The following PARD3 variants were observed in gnomAD, a reference collection of about 807,000 sequenced individuals.
PARD3 encodes partitioning defective 3 homolog.
In PARD3, 75 loss-of-function variants were observed where a neutral mutation model predicts 155.4. The ratio of observed to expected loss-of-function variants is 0.48; its 90% CI spans 0.40 to 0.58. PARD3 has a LOEUF of 0.58. Ranked by LOEUF, PARD3 falls within the 20% of genes least tolerant of loss-of-function variation. PARD3 has a pLI of 0.00. For synonymous variants in PARD3, 576 were observed against 610.5 expected (o/e 0.94, Z 0.83); for missense variants, 1,642 against 1,721.7 (o/e 0.95, Z 0.82).
intron 3 of PARD3, among the ~76,000 whole-genome samples, chr10:34,509,611 T>C (rs1378769663): frequency 3.3e-5 from 5 of 152,176 alleles, no homozygotes; most frequent in Admixed American, 3.3e-4. Flanking sequence ...ATGGAAAAAG[T>C]ACAATACTGA....
chr10:34,363,998 T>C (rs185383986), intron 12 of PARD3, among the ~76,000 whole-genome samples: 2 of 152,208 alleles, frequency 1.3e-5, no homozygotes, highest in Non-Finnish European at 2.9e-5. Context: ...TACATTTCTA[T>C]CTGCAGTGAG....
At chr10:34,405,257 C>T (rs905799175) in intron 5 of PARD3, among the ~76,000 whole-genome samples, 2 of 152,068 alleles carry the variant, frequency 1.3e-5, no homozygotes, top group Non-Finnish European at 2.9e-5. Context: ...AAATAGATAA[C>T]ACATAATACA....
intron 22 of PARD3, among the ~76,000 whole-genome samples, chr10:34,154,564 T>G (rs1349265504): frequency 2.6e-5 from 4 of 152,320 alleles, no homozygotes; most frequent in African/African-American, 9.6e-5. Context: ...GTGAGCAGTT[T>G]AAAAGTAATT....
intron 5 of PARD3, among the ~76,000 whole-genome samples, chr10:34,449,748 T>C (rs2076959262): frequency 6.6e-6 from 1 of 152,230 alleles, no homozygotes; most frequent in South Asian, 2.1e-4. Flanking sequence ...TAAACAATTC[T>C]GATTTCACGA....
intron 22 of PARD3, among the ~76,000 whole-genome samples, chr10:34,225,570 TC>T (rs1952553812): frequency 6.6e-6 from 1 of 152,174 alleles, no homozygotes; most frequent in African/African-American, 2.4e-5. Context: ...GGTCTTGAAC[TC>T]CTGACCTCAG....
intron 20 of PARD3, among the ~76,000 whole-genome samples, chr10:34,310,252 C>T (rs946978620): frequency 6.6e-5 from 10 of 152,264 alleles, no homozygotes; most frequent in African/African-American, 2.2e-4. Context: ...TGGTGAATAT[C>T]ATTAGCTGAG....
chr10:34,521,795 A>C (rs1016231393), intron 2 of PARD3, among the ~76,000 whole-genome samples: 2 of 152,220 alleles, frequency 1.3e-5, no homozygotes, highest in African/African-American at 4.8e-5. Flanking sequence ...GGATCTAGGG[A>C]AGTCCCTTTA....
chr10:34,558,342 G>C (rs1025682075), intron 2 of PARD3, among the ~76,000 whole-genome samples: 3 of 152,128 alleles, frequency 2.0e-5, no homozygotes, highest in African/African-American at 7.2e-5. Context: ...CACTGTATTA[G>C]TCATATGGGA....
intron 2 of PARD3, among the ~76,000 whole-genome samples, chr10:34,625,279 A>T (rs2091924651): frequency 6.6e-6 from 1 of 152,214 alleles, no homozygotes; most frequent in African/African-American, 2.4e-5. Context: ...AACTCCTATG[A>T]GTACAGTCGG....
In PARD3 at chr10:34,600,300, G is replaced by C. The variant is rs1198944007; in HGVS notation, c.223-83141C>G. Among the ~76,000 whole-genome samples the C allele has an allele frequency of 1.3e-5, 2 of 152,000 alleles. 1 individual carries two copies. Among genetic ancestry groups the C allele is most frequent in the South Asian group, 4.1e-4 (2 of 4,822 alleles). ...ATGGTGGTTGCAGTGAGCCAAGATT[G>C]TACCACTGCACTCCAGCCTGGGCGA... On this transcript the variant is annotated intron_variant, in intron 2 of 24. Coordinates refer to ENST00000374788, the MANE Select transcript of PARD3 (RefSeq NM_001184785.2).
At chr10:34,726,549 C>A (rs1239319552) in intron 1 of PARD3, among the ~76,000 whole-genome samples, 1 of 152,220 alleles carries the variant, frequency 6.6e-6, no homozygotes, top group African/African-American at 2.4e-5. Context: ...TGCCACTGAA[C>A]TCCAGCCTGG....
intron 1 of PARD3, among the ~76,000 whole-genome samples, chr10:34,750,541 C>T (rs12416213): frequency 0.25 from 37,585 of 150,982 alleles, 5,220 homozygotes; most frequent in East Asian, 0.54. Context: ...GAAAGCAACA[C>T]AGAAGGCACA....
chr10:34,155,180 G>T (rs34994615), intron 22 of PARD3, among the ~76,000 whole-genome samples: 15,749 of 152,170 alleles, frequency 0.1, 1,123 homozygotes, highest in African/African-American at 0.21. Context: ...CTATGTGAAG[G>T]GAAGGCAGGT....
chr10:34,587,147 A>ATC (rs2088149537), intron 2 of PARD3, among the ~76,000 whole-genome samples: 1 of 152,082 alleles, frequency 6.6e-6, no homozygotes, highest in African/African-American at 2.4e-5. Context: ...TGCTTGAGAC[A>ATC]GAGTCTCCCT....
intron 1 of PARD3, among the ~76,000 whole-genome samples, chr10:34,729,583 G>A (rs969716678): frequency 1.3e-5 from 2 of 151,520 alleles, no homozygotes; most frequent in African/African-American, 4.8e-5. Flanking sequence ...AAGGATTGTT[G>A]TGAGAATTTG....
chr10:34,492,259 G>A (rs1363692584), intron 3 of PARD3, among the ~76,000 whole-genome samples: 1 of 152,136 alleles, frequency 6.6e-6, no homozygotes, highest in South Asian at 2.1e-4. Context: ...GCTAGCACAG[G>A]ACGAAGCATG....
At chr10:34,751,849 C>A (rs1836080853) in intron 1 of PARD3, among the ~76,000 whole-genome samples, 2 of 151,120 alleles carry the variant, frequency 1.3e-5, no homozygotes, top group Non-Finnish European at 1.5e-5. Context: ...CTCAAGTGAT[C>A]CTCCAGCCTT....
intron 1 of PARD3, among the ~76,000 whole-genome samples, chr10:34,779,565 G>A (rs886174833): frequency 1.3e-5 from 2 of 152,068 alleles, no homozygotes; most frequent in African/African-American, 4.8e-5. Flanking sequence ...AGCTTGCAGT[G>A]GGCCGAGATC....
At chr10:34,638,507 C>T (rs2092561237) in intron 2 of PARD3, among the ~76,000 whole-genome samples, 1 of 152,188 alleles carries the variant, frequency 6.6e-6, no homozygotes, top group Non-Finnish European at 1.5e-5. Flanking sequence ...CCTATGATAA[C>T]TTTCATGACA....
Sources: allele counts gnomAD v4.1 joint callset (sites outside exome capture counted in the v4.1 genomes callset), GRCh38; gene constraint gnomAD v4.1.1; transcripts MANE v1.5; gene names NCBI Gene and HGNC (gene_info 2026-07-23, HGNC 2026-07-21).